TSC22D3: variants seen among roughly 807,000 people sequenced by gnomAD.
The protein encoded by TSC22D3 is TSC22 domain family protein 3.
TSC22D3 carries 4 observed loss-of-function variants against 11.1 expected under a neutral mutation model. That is an observed-to-expected ratio of 0.36 (90% CI 0.18 to 0.83). The LOEUF (loss-of-function observed/expected upper bound fraction) is 0.83. TSC22D3 is among the 40% of genes least tolerant of loss of function. The pLI is 0.48. For synonymous variants in TSC22D3, 77 were observed against 70.3 expected (o/e 1.10, Z -0.48); for missense variants, 118 against 159.4 (o/e 0.74, Z 1.40).
chrX:107,750,557 G>C (rs62604138), intron 1 of TSC22D3, among the ~76,000 whole-genome samples: 1,877 of 111,419 alleles, frequency 0.017, 16 homozygotes, highest in South Asian at 0.029. Context: ...ACCAGGATTA[G>C]AGCCCAGAAA....
intron 1 of TSC22D3, among the ~76,000 whole-genome samples, chrX:107,750,265 C>T (rs1602400586): frequency 9.8e-6 from 1 of 101,879 alleles, no homozygotes; most frequent in East Asian, 3.0e-4. Flanking sequence ...GGTGGTGTGG[C>T]GGAGTGGGGA....
At chrX:107,740,379 C>T (rs1160572993) in intron 1 of TSC22D3, among the ~76,000 whole-genome samples, 2 of 111,582 alleles carry the variant, frequency 1.8e-5, no homozygotes, top group Non-Finnish European at 3.8e-5. Context: ...GTCAAGAGAT[C>T]GAGACCATGA....
intron 1 of TSC22D3, among the ~76,000 whole-genome samples, chrX:107,732,783 G>A (rs1316815226): frequency 9.0e-6 from 1 of 111,086 alleles, no homozygotes; most frequent in East Asian, 2.8e-4. Flanking sequence ...CTAAATTTCT[G>A]GTCCCATCTC....
chrX:107,756,131 TCTTGTCA>T lies in TSC22D3; in HGVS notation c.320+18962_320+18968del, dbSNP rs1321349830. On this transcript the variant is annotated intron_variant, in intron 1 of 2. Transcript: ENST00000372383. ...CTCCTGTTACATATCTTCTGGCCCC[TCTTGTCA>T]CATGTCACACGTCTGCTAACACACA... 2.7e-5 allele frequency among the ~76,000 whole-genome samples: 3 copies of T among 112,039 alleles called. No individual in the cohort carries two copies. The Admixed American group carries it at 2.8e-4, about 11-fold the overall frequency.
At chrX:107,773,698 G>T in intron 1 of TSC22D3, among the ~76,000 whole-genome samples, 1 of 112,003 alleles carries the variant, frequency 8.9e-6, no homozygotes, top group Non-Finnish European at 1.9e-5. Context: ...AAATGCCCGA[G>T]GAATACGACT....
At chrX:107,742,318 A>G (rs9782171) in intron 1 of TSC22D3, among the ~76,000 whole-genome samples, 1 of 38,159 alleles carries the variant, frequency 2.6e-5, no homozygotes, top group East Asian at 8.6e-4. Context: ...AGAGAGAGAG[A>G]GTGTGTGTGC....
chrX:107,769,334 A>T (rs923463204), intron 1 of TSC22D3, among the ~76,000 whole-genome samples: 1 of 112,858 alleles, frequency 8.9e-6, no homozygotes, highest in African/African-American at 3.2e-5. Context: ...AAGTACTGAT[A>T]TGTGCTACAA....
intron 1 of TSC22D3, among the ~76,000 whole-genome samples, chrX:107,733,099 C>CA (rs11313485): frequency 0.017 from 938 of 54,507 alleles, 11 homozygotes; most frequent in African/African-American, 0.028. Flanking sequence ...GACCCTGTCT[C>CA]AAAAAAAAAA....
At chrX:107,739,454 C>T (rs190454403) in intron 1 of TSC22D3, among the ~76,000 whole-genome samples, 7 of 112,586 alleles carry the variant, frequency 6.2e-5, no homozygotes, top group African/African-American at 2.3e-4. Context: ...AAAAATGGTC[C>T]TTTCCAGTCC....
At chrX:107,766,452 G>GCCCCCC (rs111524433) in intron 1 of TSC22D3, among the ~76,000 whole-genome samples, 5 of 77,503 alleles carry the variant, frequency 6.5e-5, no homozygotes, top group Non-Finnish European at 9.8e-5. Flanking sequence ...TGGAGTTTCC[G>GCCCCCC]CCCCCCCCCC....
intron 1 of TSC22D3, among the ~76,000 whole-genome samples, chrX:107,722,886 C>A (rs1017154759): frequency 1.2e-4 from 13 of 112,063 alleles, no homozygotes; most frequent in African/African-American, 4.2e-4. Flanking sequence ...TTATTCAAAG[C>A]ACAAGGCACA....
intron 1 of TSC22D3, among the ~76,000 whole-genome samples, chrX:107,727,173 C>T (rs1468381566): frequency 8.9e-6 from 1 of 112,170 alleles, no homozygotes; most frequent in Non-Finnish European, 1.9e-5. Flanking sequence ...GTTTGGCCTA[C>T]AGAGCTGATA....
chrX:107,769,567 G>A (rs1419039117), intron 1 of TSC22D3, among the ~76,000 whole-genome samples: 1 of 111,279 alleles, frequency 9.0e-6, no homozygotes, highest in African/African-American at 3.3e-5. Flanking sequence ...GAATGATAAT[G>A]GTTGCACAAC....
At chrX:107,716,103 G>T in intron 1 of TSC22D3, 153 bp from the exon 2 acceptor site, 1 of 687,816 alleles carries the variant, frequency 1.5e-6, no homozygotes, top group South Asian at 2.9e-5. Context: ...TTTGTCCCCA[G>T]ATCCTTCCTT....
intron 1 of TSC22D3, among the ~76,000 whole-genome samples, chrX:107,741,104 C>T (rs1285812897): frequency 3.6e-5 from 4 of 111,565 alleles, no homozygotes; most frequent in African/African-American, 1.3e-4. Flanking sequence ...CCTAGACCTC[C>T]TCAGGGATGA....
chrX:107,772,675 C>T (rs985980666), intron 1 of TSC22D3, among the ~76,000 whole-genome samples: 2 of 108,512 alleles, frequency 1.8e-5, no homozygotes, highest in African/African-American at 3.4e-5. Context: ...GGCAAGATCC[C>T]GTCCCTATAA....
intron 1 of TSC22D3, among the ~76,000 whole-genome samples, chrX:107,720,791 A>G (rs1927292241): frequency 9.1e-6 from 1 of 109,651 alleles, no homozygotes; most frequent in Non-Finnish European, 1.9e-5. Flanking sequence ...AAGGAGGAGG[A>G]ACCCAAAGAG....
chrX:107,746,634 A>G (rs761738882), intron 1 of TSC22D3, among the ~76,000 whole-genome samples: 6 of 111,901 alleles, frequency 5.4e-5, no homozygotes, highest in African/African-American at 2.0e-4. Context: ...TATATTTACC[A>G]TACATTTTTC....
chrX:107,754,754 A>G (rs1929094776), intron 1 of TSC22D3, among the ~76,000 whole-genome samples: 1 of 112,447 alleles, frequency 8.9e-6, no homozygotes, highest in African/African-American at 3.2e-5. Context: ...TTTCCTGTAA[A>G]ACAGCTAGCT....
Sources: allele counts gnomAD v4.1 joint callset (sites outside exome capture counted in the v4.1 genomes callset), GRCh38; gene constraint gnomAD v4.1.1; transcripts MANE v1.5; gene names NCBI Gene and HGNC (gene_info 2026-07-23, HGNC 2026-07-21).